EYS: variants seen among roughly 807,000 people sequenced by gnomAD.
EYS encodes EGF-like photoreceptor maintenance factor, also known as protein eyes shut homolog.
In EYS, 250 loss-of-function variants were observed where a neutral mutation model predicts 282.1. That is an observed-to-expected ratio of 0.89 (90% confidence interval 0.80 to 0.98). The LOEUF (loss-of-function observed/expected upper bound fraction) is 0.98. Among genes scored for constraint, EYS ranks in the 50% least tolerant of loss-of-function variants. The pLI is 0.00. For synonymous variants in EYS, 1,355 were observed against 1,282.9 expected (o/e 1.06, Z -1.20); for missense variants, 4,016 against 3,709.0 (o/e 1.08, Z -2.15).
At chr6:65,161,211 T>C (rs566767307) in intron 12 of EYS, among the ~76,000 whole-genome samples, 2 of 151,242 alleles carry the variant, frequency 1.3e-5, no homozygotes, top group Admixed American at 6.6e-5. Context: ...TCTAAAGATA[T>C]TGTTTTACTG....
chr6:65,706,691 T>C (rs535866932), intron 1 of EYS, among the ~76,000 whole-genome samples: 4 of 152,298 alleles, frequency 2.6e-5, no homozygotes, highest in South Asian at 4.1e-4. Context: ...TGAGTATCTC[T>C]AGATTTATGG....
chr6:64,117,217 T>G lies in EYS; in HGVS notation c.6425-35215A>C, dbSNP rs189504420. On this transcript the variant is annotated intron_variant, in intron 31 of 42. Transcript: ENST00000503581. The stretch of plus-strand genomic sequence containing the variant: ...TAAGAAGTGTATTTTCTGATCACAG[T>G]GTTATAAAACTGGAAATCAATTACA... Among the ~76,000 whole-genome samples, 612 of 152,064 alleles carry G rather than the reference T, an allele frequency of 4.0e-3. 2 individuals are homozygous for G. Among genetic ancestry groups the G allele is most frequent in the Non-Finnish European group, 5.0e-3 (337 of 67,880 alleles).
intron 14 of EYS, among the ~76,000 whole-genome samples, chr6:64,964,478 T>C (rs11969835): frequency 0.25 from 38,570 of 152,062 alleles, 6,117 homozygotes; most frequent in African/African-American, 0.44. Context: ...ATTACATTTT[T>C]CTTTCCTGTC....
At chr6:64,319,246 C>A (rs1005549292) in intron 29 of EYS, among the ~76,000 whole-genome samples, 54 of 151,930 alleles carry the variant, frequency 3.6e-4, no homozygotes, top group African/African-American at 1.3e-3. Context: ...AAAACAACTT[C>A]AATAGTTTCA....
At chr6:63,871,258 C>T (rs928205706) in intron 35 of EYS, among the ~76,000 whole-genome samples, 59 of 152,260 alleles carry the variant, frequency 3.9e-4, no homozygotes, top group African/African-American at 1.3e-3. Context: ...TGGCAATAGA[C>T]ATTGAAACGT....
At chr6:64,487,011 T>C (rs1373507030) in intron 26 of EYS, among the ~76,000 whole-genome samples, 1 of 151,364 alleles carries the variant, frequency 6.6e-6, no homozygotes, top group Non-Finnish European at 1.5e-5. Context: ...AGAATATTGG[T>C]CCAAGCTTTT....
chr6:64,086,135 C>T (rs1325571363), intron 31 of EYS, among the ~76,000 whole-genome samples: 1 of 152,188 alleles, frequency 6.6e-6, no homozygotes, highest in Non-Finnish European at 1.5e-5. Context: ...TCTACATCTG[C>T]TGCTCCTTCA....
intron 26 of EYS, among the ~76,000 whole-genome samples, chr6:64,462,691 T>A (rs1775786558): frequency 6.6e-6 from 1 of 151,922 alleles, no homozygotes. Flanking sequence ...TTTAATTGTT[T>A]TTTAGCTTCC....
intron 12 of EYS, among the ~76,000 whole-genome samples, chr6:65,116,472 T>A (rs1161730671): frequency 6.6e-6 from 1 of 152,090 alleles, no homozygotes; most frequent in Non-Finnish European, 1.5e-5. Flanking sequence ...CTTAAAGAGA[T>A]AATCTATCTC....
At chr6:64,225,416 A>G (rs1420800888) in intron 31 of EYS, among the ~76,000 whole-genome samples, 1 of 152,006 alleles carries the variant, frequency 6.6e-6, no homozygotes, top group African/African-American at 2.4e-5. Flanking sequence ...TCTGAGATAC[A>G]GAGATTATCC....
intron 22 of EYS, among the ~76,000 whole-genome samples, chr6:64,760,340 C>T (rs923298889): frequency 3.9e-5 from 6 of 152,014 alleles, no homozygotes; most frequent in African/African-American, 1.2e-4. Flanking sequence ...AATATGTTCC[C>T]GGTTTTAGCT....
chr6:65,145,379 A>G (rs1764452174), intron 12 of EYS, among the ~76,000 whole-genome samples: 1 of 152,042 alleles, frequency 6.6e-6, no homozygotes, highest in Non-Finnish European at 1.5e-5. Context: ...GGAGTTATAC[A>G]TTAAAACTTT....
At chr6:65,228,516 A>G (rs1766686765) in intron 12 of EYS, among the ~76,000 whole-genome samples, 1 of 152,006 alleles carries the variant, frequency 6.6e-6, no homozygotes, top group Non-Finnish European at 1.5e-5. Context: ...CCTCTTTTAC[A>G]CTATTGGCTT....
At chr6:65,621,409 G>C (rs1766488234) in intron 2 of EYS, among the ~76,000 whole-genome samples, 1 of 151,220 alleles carries the variant, frequency 6.6e-6, no homozygotes, top group Non-Finnish European at 1.5e-5. Flanking sequence ...TGGCTTGGTA[G>C]ATCTTCCTCC....
At chr6:64,984,351 T>A (rs1770781522) in intron 14 of EYS, among the ~76,000 whole-genome samples, 1 of 151,406 alleles carries the variant, frequency 6.6e-6, no homozygotes, top group South Asian at 2.1e-4. Flanking sequence ...CATATGATAA[T>A]ATTTTCCACA....
intron 26 of EYS, among the ~76,000 whole-genome samples, chr6:64,454,483 T>A (rs1319582385): frequency 2.6e-5 from 4 of 152,188 alleles, no homozygotes; most frequent in African/African-American, 9.6e-5. Flanking sequence ...AATGTATAAG[T>A]ACACTTGACC....
intron 13 of EYS, among the ~76,000 whole-genome samples, chr6:65,011,710 G>A (rs969051778): frequency 4.6e-5 from 7 of 152,182 alleles, no homozygotes; most frequent in African/African-American, 9.7e-5. Context: ...GAAGGTGACC[G>A]CTTCCACCTT....
At chr6:64,547,015 G>T (rs1441971646) in intron 26 of EYS, among the ~76,000 whole-genome samples, 2 of 152,124 alleles carry the variant, frequency 1.3e-5, no homozygotes, top group East Asian at 3.9e-4. Context: ...CTTAAAGGTG[G>T]CATGTCTGGA....
intron 12 of EYS, among the ~76,000 whole-genome samples, chr6:65,226,289 T>C (rs939208550): frequency 6.6e-6 from 1 of 152,008 alleles, no homozygotes; most frequent in Admixed American, 6.6e-5. Context: ...TTTAAATATT[T>C]AGAAATAAAC....
Sources: allele counts gnomAD v4.1 joint callset (sites outside exome capture counted in the v4.1 genomes callset), GRCh38; gene constraint gnomAD v4.1.1; transcripts MANE v1.5; gene names NCBI Gene and HGNC (gene_info 2026-07-23, HGNC 2026-07-21).